The following CPT1A variants were observed in gnomAD, a reference collection of about 807,000 sequenced individuals.
The protein encoded by CPT1A is carnitine palmitoyltransferase 1A.
In CPT1A, 64 loss-of-function variants were observed where a neutral mutation model predicts 100.8. The observed-to-expected ratio is 0.63, with a 90% CI of 0.52 to 0.78. The LOEUF (loss-of-function observed/expected upper bound fraction) is 0.78, where lower values mean the gene tolerates loss of function less well. CPT1A is among the 30% of genes least tolerant of loss of function. The pLI is 0.00. For synonymous variants in CPT1A, 363 were observed against 396.0 expected (o/e 0.92, Z 0.99); for missense variants, 802 against 1,034.1 (o/e 0.78, Z 3.08).
intron 14 of CPT1A, among the ~76,000 whole-genome samples, chr11:68,770,629 AACTC>A (rs1426293899): frequency 5.3e-5 from 8 of 152,214 alleles, no homozygotes; most frequent in African/African-American, 1.7e-4. Flanking sequence ...GGATCTGTGA[AACTC>A]ACTATCTAGG....
intron 1 of CPT1A, among the ~76,000 whole-genome samples, chr11:68,816,117 G>A (rs573195111): frequency 8.5e-5 from 13 of 152,252 alleles, no homozygotes; most frequent in African/African-American, 2.9e-4. Flanking sequence ...TCTCAATCTT[G>A]CAGCCAGGCC....
At chr11:68,825,440 C>T (rs1030972591) in intron 1 of CPT1A, among the ~76,000 whole-genome samples, 6 of 152,142 alleles carry the variant, frequency 3.9e-5, no homozygotes, top group African/African-American at 1.2e-4. Flanking sequence ...CGGCGTAACC[C>T]ATCCGGAGCC....
intron 9 of CPT1A, among the ~76,000 whole-genome samples, chr11:68,787,676 T>G (rs1432254898): frequency 6.6e-6 from 1 of 151,960 alleles, no homozygotes; most frequent in African/African-American, 2.4e-5. Flanking sequence ...GTGCGGTGGC[T>G]CACGTCTATA....
chr11:68,808,801 T>TA (rs1369338293), intron 3 of CPT1A, among the ~76,000 whole-genome samples: 1 of 151,842 alleles, frequency 6.6e-6, no homozygotes, highest in Non-Finnish European at 1.5e-5. Context: ...AAGGTGTCCC[T>TA]AATATTTGAA....
At chr11:68,763,189 T>C (rs1433828522) in intron 14 of CPT1A, among the ~76,000 whole-genome samples, 1 of 152,064 alleles carries the variant, frequency 6.6e-6, no homozygotes, top group Non-Finnish European at 1.5e-5. Flanking sequence ...CGCTTTTACA[T>C]GTGGGTAGTG....
intron 14 of CPT1A, 145 bp downstream of exon 14, chr11:68,773,120 C>T (rs1037811963): frequency 6.9e-5 from 101 of 1,472,152 alleles, no homozygotes; most frequent in Admixed American, 9.5e-5. Flanking sequence ...CAACGCCACC[C>T]GGCCCCCGGA....
At chr11:68,808,033 C>A (rs1034950252) in intron 3 of CPT1A, among the ~76,000 whole-genome samples, 4 of 152,228 alleles carry the variant, frequency 2.6e-5, no homozygotes, top group African/African-American at 9.6e-5. Context: ...GAGGCCAGGA[C>A]CTGGCCACCG....
intron 1 of CPT1A, among the ~76,000 whole-genome samples, chr11:68,829,464 A>T (rs12283159): frequency 0.017 from 2,571 of 152,206 alleles, 83 homozygotes; most frequent in African/African-American, 0.058. Flanking sequence ...CAAGCTGCAC[A>T]GCAGGGCGTG....
At chr11:68,830,789 G>A (rs1008239510) in intron 1 of CPT1A, among the ~76,000 whole-genome samples, 7 of 152,150 alleles carry the variant, frequency 4.6e-5, no homozygotes, top group African/African-American at 7.2e-5. Flanking sequence ...GCACTTTAGG[G>A]GGCAGCCCAC....
intron 3 of CPT1A, among the ~76,000 whole-genome samples, chr11:68,808,613 C>T (rs1276768054): frequency 1.3e-5 from 2 of 151,866 alleles, no homozygotes; most frequent in African/African-American, 2.4e-5. Context: ...AGGTGATCCA[C>T]CCGCCTCGGC....
At chr11:68,838,862 C>G (rs1198663014) in intron 1 of CPT1A, among the ~76,000 whole-genome samples, 3 of 152,168 alleles carry the variant, frequency 2.0e-5, no homozygotes, top group African/African-American at 7.2e-5. Flanking sequence ...GCCACGGGGC[C>G]GGGCCCATCT....
At chr11:68,840,125 G>C (rs141833654) in intron 1 of CPT1A, among the ~76,000 whole-genome samples, 1 of 152,324 alleles carries the variant, frequency 6.6e-6, no homozygotes, top group African/African-American at 2.4e-5. Context: ...TCTTGGTATT[G>C]AGGCAAAACC....
chr11:68,765,270 C>T (rs183247799), intron 14 of CPT1A, among the ~76,000 whole-genome samples: 29 of 152,280 alleles, frequency 1.9e-4, no homozygotes, highest in Admixed American at 3.9e-4. Flanking sequence ...CAATATCAAA[C>T]TTTAATTGTG....
chr11:68,838,167 C>A (rs1257038182), intron 1 of CPT1A, among the ~76,000 whole-genome samples: 1 of 152,102 alleles, frequency 6.6e-6, no homozygotes, highest in Non-Finnish European at 1.5e-5. Context: ...GTGACGGTGA[C>A]CCTCCTGCAC....
rs1855104464 is a variant in CPT1A, at chr11:68,774,946, A to G, written c.1575+370T>C. 3.3e-5 allele frequency among the ~76,000 whole-genome samples: 5 copies of G among 152,096 alleles called. No homozygotes were observed. The South Asian group carries it at 1.0e-3, about 32-fold the overall frequency. Reference sequence around the variant, plus strand: ...AGCATGTTTAAGAGGTGCCAAAATGAATTAAACTTTGAGAAGTATAAATGA... The same window carrying G: ...AGCATGTTTAAGAGGTGCCAAAATGGATTAAACTTTGAGAAGTATAAATGA... On this transcript the variant is annotated intron_variant, in intron 13 of 18. Transcript: ENST00000265641.
upstream of CPT1A, among the ~76,000 whole-genome samples, chr11:68,842,903 C>A (rs140495570): frequency 2.0e-5 from 3 of 152,304 alleles, no homozygotes; most frequent in East Asian, 3.9e-4. Flanking sequence ...TGCTTCCAGG[C>A]GCGAGCTGGC....
chr11:68,784,784 C>T (rs376879217), intron 10 of CPT1A, 31 bp downstream of exon 10: 3 of 1,599,512 alleles, frequency 1.9e-6, no homozygotes, highest in Non-Finnish European at 2.5e-6. Flanking sequence ...CACCACCCCC[C>T]AAAACAGGAC....
intron 1 of CPT1A, among the ~76,000 whole-genome samples, chr11:68,838,582 A>AAAAAAAC (rs1857077892): frequency 6.9e-6 from 1 of 145,290 alleles, no homozygotes; most frequent in African/African-American, 2.6e-5. Flanking sequence ...TAAAAAAAAA[A>AAAAAAAC]AAAAAAAAAC....
chr11:68,829,819 C>T (rs1263737223), intron 1 of CPT1A, among the ~76,000 whole-genome samples: 4 of 152,184 alleles, frequency 2.6e-5, no homozygotes, highest in Non-Finnish European at 5.9e-5. Flanking sequence ...GCGGCAACAC[C>T]CCGGCGGCCT....
Sources: allele counts gnomAD v4.1 joint callset (sites outside exome capture counted in the v4.1 genomes callset), GRCh38; gene constraint gnomAD v4.1.1; transcripts MANE v1.5; gene names NCBI Gene and HGNC (gene_info 2026-07-23, HGNC 2026-07-21).